RIC1: variants seen among roughly 807,000 people sequenced by gnomAD.
RIC1 encodes the protein guanine nucleotide exchange factor subunit RIC1.
A neutral mutation model predicts 169.0 loss-of-function variants in RIC1; 88 were observed. That is an observed-to-expected ratio of 0.52 (90% CI 0.44 to 0.62). The LOEUF (loss-of-function observed/expected upper bound fraction) is 0.62. Ranked by LOEUF, RIC1 falls within the 20% of genes least tolerant of loss-of-function variation. RIC1 has a pLI of 0.00. For synonymous variants in RIC1, 790 were observed against 601.5 expected (o/e 1.31, Z -4.59); for missense variants, 1,877 against 1,725.5 (o/e 1.09, Z -1.56).
rs1211816190 is a variant in RIC1 at position 5,656,664 on chromosome 9, C to T, written c.226C>T (p.Pro76Ser). 1 of 1,604,900 alleles carries T rather than the reference C, an allele frequency of 6.2e-7. No individual in the cohort carries two copies. Among genetic ancestry groups the T allele is most frequent in the East Asian group, 2.2e-5 (1 of 44,732 alleles). Residue 76 changes from proline to serine, a missense_variant, in exon 2 of 26, where the codon CCA (proline) becomes TCA (serine). Transcript: ENST00000414202. ...ATCCTACAAGCAAGCTGAATGGAGG[C>T]CAGATAGTACCATGATAGCTGTATC... ...FGSYKQAEWR[P>S]DSTMIAVSTA...
chr9:5,713,699 C>G lies in RIC1; in HGVS notation c.333-197C>G, dbSNP rs1586999824. ...CCCTCCTAACACAAATTACATTGGT[C>G]AAACATTTATTTCCAATTGATAAGT... is the stretch of plus-strand genomic sequence containing the variant. On this transcript the variant is annotated intron_variant, in intron 3 of 25. Coordinates refer to ENST00000414202, the MANE Select transcript of RIC1 (RefSeq NM_020829.4). 3 of 356,864 alleles carry G rather than the reference C, an allele frequency of 8.4e-6. No individual in the cohort carries two copies. The Admixed American group carries it at 1.4e-4, about 16-fold the overall frequency. The allele number at this position is 356,864 out of a possible 1,614,324, so 22.1% of individuals were successfully genotyped here.
At chr9:5,696,709 T>C (rs1409062862) in intron 3 of RIC1, among the ~76,000 whole-genome samples, 4 of 152,226 alleles carry the variant, frequency 2.6e-5, no homozygotes, top group African/African-American at 9.6e-5. Context: ...CCTGTATCTC[T>C]TGAGTAAATA....
At chr9:5,770,309 GTTCCTTTGAAGA>G (rs1429848508) in intron 23 of RIC1, 31 bp downstream of exon 23, 2 of 1,575,036 alleles carry the variant, frequency 1.3e-6, no homozygotes. Context: ...TAGCTCTTCA[GTTCCTTTGAAGA>G]AAATTTATGT....
intron 2 of RIC1, among the ~76,000 whole-genome samples, chr9:5,689,264 A>G (rs62557385): frequency 0.082 from 12,356 of 151,580 alleles, 861 homozygotes; most frequent in African/African-American, 0.19. Flanking sequence ...CGTTAGCCAG[A>G]ATGGTCTTGA....
chr9:5,711,292 C>G (rs1033223881), intron 3 of RIC1, among the ~76,000 whole-genome samples: 1 of 152,150 alleles, frequency 6.6e-6, no homozygotes, highest in Non-Finnish European at 1.5e-5. Flanking sequence ...CAACATCCCC[C>G]TCTCCCCATG....
At chr9:5,700,429 A>G (rs1586973716) in intron 3 of RIC1, among the ~76,000 whole-genome samples, 1 of 152,172 alleles carries the variant, frequency 6.6e-6, no homozygotes, top group Non-Finnish European at 1.5e-5. Context: ...AAAATATTCA[A>G]TTTATTAGAG....
At chr9:5,644,529 A>T (rs1177766789) in intron 1 of RIC1, among the ~76,000 whole-genome samples, 2 of 152,182 alleles carry the variant, frequency 1.3e-5, no homozygotes, top group Non-Finnish European at 2.9e-5. Flanking sequence ...CTTATCCTTT[A>T]TCCCCTTCTC....
At chr9:5,641,536 C>T (rs1258855519) in intron 1 of RIC1, among the ~76,000 whole-genome samples, 2 of 152,136 alleles carry the variant, frequency 1.3e-5, no homozygotes, top group Admixed American at 1.3e-4. Context: ...TCTCTACTTC[C>T]TCTTTAAGGC....
downstream of RIC1, among the ~76,000 whole-genome samples, chr9:5,776,851 T>C (rs1827616169): frequency 6.6e-6 from 1 of 152,052 alleles, no homozygotes; most frequent in Non-Finnish European, 1.5e-5. Flanking sequence ...AAACAAAATT[T>C]TACATGTAAG....
chr9:5,720,519 T>G lies in RIC1; in HGVS notation c.584-95T>G, dbSNP rs113685293. On this transcript the variant is annotated intron_variant, in intron 5 of 25. Coordinates refer to ENST00000414202, the MANE Select transcript of RIC1 (RefSeq NM_020829.4). ...ATTTAGGGTTGTTAGGTCATTATTT[T>G]TACCCTTTTAAACTTACAGGTTTTT... The G allele has an allele frequency of 1.0e-4, 136 of 1,298,664 alleles. 1 individual carries two copies. The African/African-American group carries it at 1.5e-3, about 15-fold the overall frequency. The allele number at this position is 1,298,664 out of a possible 1,614,324, so 80.4% of individuals were successfully genotyped here. A position where few individuals can be genotyped will look rare whatever the true frequency, so the allele number is the denominator to read the frequency against.
At chr9:5,708,594 G>T (rs562910263) in intron 3 of RIC1, among the ~76,000 whole-genome samples, 1 of 152,150 alleles carries the variant, frequency 6.6e-6, no homozygotes, top group South Asian at 2.1e-4. Flanking sequence ...GGCCTCCATG[G>T]TTTCCTATGA....
At chr9:5,684,458 A>T (rs904556118) in intron 2 of RIC1, among the ~76,000 whole-genome samples, 9 of 152,246 alleles carry the variant, frequency 5.9e-5, no homozygotes, top group East Asian at 1.9e-4. Context: ...TTTTCTAGTT[A>T]TCAGTGTACA....
In RIC1 at chr9:5,687,629, ATTT is replaced by A. The variant is rs1821329940; in HGVS notation, c.253-2324_253-2322del. ...TCAAAATATTTGTGGGCTTTCCAGA[ATTT>A]TTTTTATTTGTTTCTAGTTTTGTTC... is the stretch of plus-strand genomic sequence containing the variant. On this transcript the variant is annotated intron_variant, in intron 2 of 25. Transcript: ENST00000414202. 2.0e-5 allele frequency among the ~76,000 whole-genome samples: 3 copies of A among 152,020 alleles called. No individual in the cohort carries two copies. In the South Asian group the frequency reaches 6.2e-4, roughly 32 times the overall value.
chr9:5,769,269 T>G lies in RIC1; in HGVS notation c.3424+13T>G. The G allele has an allele frequency of 6.2e-7, 1 of 1,613,960 alleles. No individual in the cohort carries two copies. Among genetic ancestry groups the G allele is most frequent in the Non-Finnish European group, 8.5e-7 (1 of 1,179,798 alleles). On this transcript the variant is annotated intron_variant, in intron 22 of 25. Transcript: ENST00000414202. ...AAATACCGAACTGGTAATGTAGACT[T>G]CATGTCACTTGTACAAGGAGAATTG... is the stretch of plus-strand genomic sequence containing the variant.
intron 1 of RIC1, among the ~76,000 whole-genome samples, chr9:5,643,150 T>A (rs983522556): frequency 1.3e-4 from 19 of 151,940 alleles, no homozygotes; most frequent in African/African-American, 4.6e-4. Context: ...AAAATAAAAA[T>A]AAAAAAATCA....
At chr9:5,675,743 G>T (rs887883288) in intron 2 of RIC1, among the ~76,000 whole-genome samples, 7 of 152,108 alleles carry the variant, frequency 4.6e-5, no homozygotes, top group Non-Finnish European at 8.8e-5. Context: ...TAACATGGAG[G>T]AATCATATGT....
chr9:5,674,645 A>T (rs1820333162), intron 2 of RIC1, among the ~76,000 whole-genome samples: 1 of 152,206 alleles, frequency 6.6e-6, no homozygotes, highest in South Asian at 2.1e-4. Context: ...ACTTATGTTC[A>T]CCATATCTTA....
At chr9:5,735,475 C>T (rs936134273) in intron 7 of RIC1, among the ~76,000 whole-genome samples, 1 of 152,200 alleles carries the variant, frequency 6.6e-6, no homozygotes, top group Non-Finnish European at 1.5e-5. Context: ...AGTACTAGCC[C>T]TTCCCAGGAT....
At chr9:5,753,707 A>G (rs1825847947) in intron 14 of RIC1, 61 bp downstream of exon 14, 2 of 798,238 alleles carry the variant, frequency 2.5e-6, no homozygotes, top group South Asian at 2.0e-5. Context: ...ACAATATGAA[A>G]TAGCTATAAA....
Sources: gnomAD v4.1 joint callset for allele counts (sites outside exome capture counted in the v4.1 genomes callset) on GRCh38, gnomAD v4.1.1 for gene constraint, MANE v1.5 for transcripts, NCBI Gene and HGNC (gene_info 2026-07-23, HGNC 2026-07-21) for gene names.